Variants in SCUBE3 observed in about 807,000 individuals in gnomAD.
SCUBE3 encodes the protein signal peptide, CUB and EGF-like domain-containing protein 3.
Under a neutral mutation model 116.8 loss-of-function variants are expected in SCUBE3, and 33 were observed. The observed-to-expected ratio is 0.28, with a 90% CI of 0.21 to 0.38. The LOEUF is 0.38. SCUBE3 is among the 10% of genes least tolerant of loss of function. SCUBE3 has a pLI of 1.00. For missense variants in SCUBE3, 1,007 were observed against 1,324.8 expected, an observed-to-expected ratio of 0.76 and a Z score of 3.72; for synonymous variants, 418 against 496.9, an observed-to-expected ratio of 0.84 and a Z score of 2.11.
rs1369028784 is a variant in SCUBE3, at chr6:35,219,220, CAT to C, written c.85+4718_85+4719del. On this transcript the variant is annotated intron_variant, in intron 1 of 21. Transcript: ENST00000274938. This position sits in a 1 kb window ranked among gnomAD's most constrained non-coding sequence, Gnocchi z 4.7. ...CCCTGGAAATAGCCCCTGAAGAACA[CAT>C]GTGTGTTTCTATATGTGTGTATCCA... is the stretch of plus-strand genomic sequence containing the variant. Among the ~76,000 whole-genome samples the C allele has an allele frequency of 6.6e-6, 1 of 152,188 alleles. No homozygotes were observed. The highest frequency in any genetic ancestry group is 2.4e-5 in the African/African-American group (1 of 41,440).
intron 1 of SCUBE3, among the ~76,000 whole-genome samples, chr6:35,218,648 T>G (rs550869223): frequency 2.6e-5 from 4 of 152,262 alleles, no homozygotes; most frequent in Admixed American, 1.3e-4. Context: ...GACTGGAGTC[T>G]GGAAACAGAA....
Position 35,228,497 on chromosome 6 carries a change from C to A in SCUBE3, c.209-117C>A. ...AGGTTTAAATGAAAACAGAAAAATG[C>A]TAAATGGCTTATAGGCCATGAACAT... On this transcript the variant is annotated intron_variant, in intron 2 of 21. Transcript: ENST00000274938. This position sits in a 1 kb window ranked among gnomAD's most constrained non-coding sequence, Gnocchi z 4.9. 1 of 966,960 alleles carries A rather than the reference C, an allele frequency of 1.0e-6. No individual in the cohort carries two copies. The highest frequency in any genetic ancestry group is 1.5e-6 in the Non-Finnish European group (1 of 676,204). The allele number at this position is 966,960 out of a possible 1,614,324, so 59.9% of individuals were successfully genotyped here.
At position 35,235,954 on chromosome 6, in the gene SCUBE3, T is replaced by TCAC. The variant is rs1370366949; in HGVS notation, c.713-1945_713-1943dup. On this transcript the variant is annotated intron_variant, in intron 6 of 21. Transcript: ENST00000274938. This position sits in a 1 kb window ranked among gnomAD's most constrained non-coding sequence, Gnocchi z 4.5. ...CATTAGTTCACAGTCCCAGCATCAC[T>TCAC]CACCATTCTCTCCTACCGTAATGGC... Among the ~76,000 whole-genome samples, 1 of 152,090 alleles carries TCAC rather than the reference T, an allele frequency of 6.6e-6. No individual in the cohort carries two copies. Among genetic ancestry groups the TCAC allele is most frequent in the Non-Finnish European group, 1.5e-5 (1 of 68,024 alleles).
At position 35,250,373 on chromosome 6, in the gene SCUBE3, G is replaced by C. The variant is rs1053463920; in HGVS notation, c.*1668G>C. 22 of 152,178 alleles carry C rather than the reference G, an allele frequency of 1.4e-4. No homozygotes were observed. The highest frequency in any genetic ancestry group is 1.4e-3 in the Admixed American group (22 of 15,282). The allele number at this position is 152,178 out of a possible 1,614,324, so 9.4% of individuals were successfully genotyped here. A position where few individuals can be genotyped will look rare whatever the true frequency, so the allele number is the denominator to read the frequency against. ...TGGTGTACACATGGAAGAGGACCAG[G>C]ACATACCACCTGGGGATGGGCTGAC... On this transcript the variant is annotated 3_prime_UTR_variant, in exon 22 of 22. Coordinates refer to ENST00000274938, the MANE Select transcript of SCUBE3 (RefSeq NM_152753.4).
In SCUBE3 at chr6:35,228,525, CTA is replaced by C; in HGVS notation, c.209-87_209-86del. 7.1e-7 allele frequency: 1 copy of C among 1,399,216 alleles called. No homozygotes were observed. Among genetic ancestry groups the C allele is most frequent in the Non-Finnish European group, 9.9e-7 (1 of 1,005,558 alleles). The allele number at this position is 1,399,216 out of a possible 1,614,324, so 86.7% of individuals were successfully genotyped here. On this transcript the variant is annotated intron_variant, in intron 2 of 21. Coordinates refer to ENST00000274938, the MANE Select transcript of SCUBE3 (RefSeq NM_152753.4). The surrounding 1 kb of genome is among the most constrained non-coding windows in gnomAD (Gnocchi z 4.9). ...AATGGCTTATAGGCCATGAACATAA[CTA>C]TGTAAACACAACCATAAGGCTGAGT...
At chr6:35,218,231 C>A in intron 1 of SCUBE3, 2 of 733,866 alleles carry the variant, frequency 2.7e-6, no homozygotes, top group Non-Finnish European at 3.3e-6. Flanking sequence ...TGCATTCACA[C>A]ACGTGTGAAT....
chr6:35,240,564 G>A lies in SCUBE3; in HGVS notation c.1069+74G>A. 1 of 702,216 alleles carries A rather than the reference G, an allele frequency of 1.4e-6. No homozygotes were observed. The highest frequency in any genetic ancestry group is 2.4e-6 in the Non-Finnish European group (1 of 412,372). The allele number at this position is 702,216 out of a possible 1,614,324, so 43.5% of individuals were successfully genotyped here. ...TCACCCTCCAATTGAACAGGTCCTT[G>A]TGTTGGCTTGTGGCTATGGGCAATC... is the stretch of plus-strand genomic sequence containing the variant. On this transcript the variant is annotated intron_variant, in intron 9 of 21. Transcript: ENST00000274938. This position sits in a 1 kb window ranked among gnomAD's most constrained non-coding sequence, Gnocchi z 4.6.
At position 35,241,924 on chromosome 6, in the gene SCUBE3, C is replaced by T; in HGVS notation, c.1417+14C>T. On this transcript the variant is annotated intron_variant, in intron 12 of 21. Coordinates refer to ENST00000274938, the MANE Select transcript of SCUBE3 (RefSeq NM_152753.4). This position sits in a 1 kb window ranked among gnomAD's most constrained non-coding sequence, Gnocchi z 4.1. Reference sequence around the variant, plus strand: ...ACCACTGCCATGGTAAGCACCAGCCCAGAAGCCCTGTTCCCACCCTACTCT... The same window carrying T: ...ACCACTGCCATGGTAAGCACCAGCCTAGAAGCCCTGTTCCCACCCTACTCT... The T allele has an allele frequency of 6.4e-7, 1 of 1,559,914 alleles. No homozygotes were observed.
chr6:35,242,464 G>T, intron 13 of SCUBE3, 144 bp downstream of exon 13: 1 of 894,510 alleles, frequency 1.1e-6, no homozygotes. Flanking sequence ...TAGCACCCAA[G>T]GAAGTCCCAG....
Position 35,231,805 on chromosome 6 carries a change from C to T in SCUBE3, c.415C>T (p.Arg139Trp), listed in dbSNP as rs768714879. 1.4e-5 allele frequency: 22 copies of T among 1,613,610 alleles called. No homozygotes were observed. Among genetic ancestry groups the T allele is most frequent in the East Asian group, 4.5e-5 (2 of 44,872 alleles). ...NMMGSYECHC[R>W]EGFFLSDNQH... ...GATGGGCAGCTATGAGTGCCACTGCCGGGAAGGCTTCTTCCTCAGCGACAA... is the reference window on the plus strand; with the variant it reads ...GATGGGCAGCTATGAGTGCCACTGCTGGGAAGGCTTCTTCCTCAGCGACAA... Residue 139 changes from arginine (R) to tryptophan (W), a missense_variant, in exon 4 of 22, where the codon CGG (arginine) becomes TGG (tryptophan). Transcript: ENST00000274938. The surrounding 1 kb of genome is among the most constrained non-coding windows in gnomAD (Gnocchi z 4.2).
chr6:35,242,285 G>C lies in SCUBE3; in HGVS notation c.1499G>C (p.Gly500Ala). 1 of 1,613,978 alleles carries C rather than the reference G, an allele frequency of 6.2e-7. No homozygotes were observed. The highest frequency in any genetic ancestry group is 8.5e-7 in the Non-Finnish European group (1 of 1,179,880). Residue 500 changes from glycine to alanine, a missense_variant, in exon 13 of 22, where the codon GGC becomes GCC. Gly to Ala is a moderately conservative substitution (Grantham distance 60, BLOSUM62 0). Around this residue, in one of 5 missense-constraint regions of SCUBE3, gnomAD observed 544 missense variants for 638.9 expected, o/e 0.85. Transcript: ENST00000274938. ...AKCRLHLRNKGKTEEAGRITG... is the reference protein window; with the variant it reads ...AKCRLHLRNKAKTEEAGRITG... ...TGCCGTTTGCACCTGCGAAACAAAG[G>C]CAAAACAGAGGAGGCTGGCAGAATC...
intron 1 of SCUBE3, among the ~76,000 whole-genome samples, chr6:35,225,003 C>A (rs552842204): frequency 6.6e-6 from 1 of 152,158 alleles, no homozygotes; most frequent in Non-Finnish European, 1.5e-5. Context: ...GTGGCTATTG[C>A]GCATTTGGCC....
Position 35,240,763 on chromosome 6 carries a change from G to C in SCUBE3, c.1069+273G>C, listed in dbSNP as rs1051477581. On this transcript the variant is annotated intron_variant, in intron 9 of 21. Coordinates refer to ENST00000274938, the MANE Select transcript of SCUBE3 (RefSeq NM_152753.4). The surrounding 1 kb of genome is among the most constrained non-coding windows in gnomAD (Gnocchi z 4.6). Reference sequence around the variant, plus strand: ...CAGCTCCCAAATGACAGTCTCACTGGTTGGGAGGAGTGGAAGGCTTTAAAA... The same window carrying C: ...CAGCTCCCAAATGACAGTCTCACTGCTTGGGAGGAGTGGAAGGCTTTAAAA... Among the ~76,000 whole-genome samples the C allele has an allele frequency of 1.3e-5, 2 of 152,200 alleles. No homozygotes were observed. Among genetic ancestry groups the C allele is most frequent in the Non-Finnish European group, 2.9e-5 (2 of 68,040 alleles).
intron 21 of SCUBE3, among the ~76,000 whole-genome samples, chr6:35,246,978 C>CA (rs998724559): frequency 1.3e-5 from 2 of 151,054 alleles, no homozygotes; most frequent in Non-Finnish European, 3.0e-5. Context: ...AACCCTGTCT[C>CA]AAAAAAACAA....
At chr6:35,234,480 A>G (rs763855425) in intron 6 of SCUBE3, among the ~76,000 whole-genome samples, 1 of 152,168 alleles carries the variant, frequency 6.6e-6, no homozygotes, top group Non-Finnish European at 1.5e-5. Flanking sequence ...ATCCATTTCT[A>G]AAGTCCCTAT....
At position 35,244,212 on chromosome 6, in the gene SCUBE3, C is replaced by T. The variant is rs1347197681; in HGVS notation, c.2239+82C>T. On this transcript the variant is annotated intron_variant, in intron 17 of 21. Coordinates refer to ENST00000274938, the MANE Select transcript of SCUBE3 (RefSeq NM_152753.4). The surrounding 1 kb of genome is among the most constrained non-coding windows in gnomAD (Gnocchi z 4.3). ...ACTCTCCAATTTCCCAGAGGGGACACTGACCCACCATTTTCTCCAAACCAG... is the reference window on the plus strand; with the variant it reads ...ACTCTCCAATTTCCCAGAGGGGACATTGACCCACCATTTTCTCCAAACCAG... 1.0e-5 allele frequency: 13 copies of T among 1,251,600 alleles called. No individual in the cohort carries two copies. The Admixed American group carries it at 1.1e-4, about 10-fold the overall frequency. The allele number at this position is 1,251,600 out of a possible 1,614,324, so 77.5% of individuals were successfully genotyped here. A position where few individuals can be genotyped will look rare whatever the true frequency, so the allele number is the denominator to read the frequency against.
In SCUBE3 at chr6:35,248,534, T is replaced by C. The variant is rs762867941; in HGVS notation, c.2833-22T>C. ...CCACCCCCGACGGTGAGGCTGACAT[T>C]GCTCCCTGCCATCCTTTGCAGGACA... On this transcript the variant is annotated intron_variant, in intron 21 of 21. Transcript: ENST00000274938. 3 of 1,613,490 alleles carry C rather than the reference T, an allele frequency of 1.9e-6. No homozygotes were observed. The South Asian group carries it at 3.3e-5, about 18-fold the overall frequency.
chr6:35,217,133 T>C (rs958226305), intron 1 of SCUBE3, among the ~76,000 whole-genome samples: 2 of 150,678 alleles, frequency 1.3e-5, no homozygotes, highest in African/African-American at 4.9e-5. Flanking sequence ...TGTCTGTATA[T>C]TTTAAAGTAG....
chr6:35,242,587 G>T (rs759807097), intron 13 of SCUBE3, 35 bp from the exon 14 acceptor site: 1 of 1,588,680 alleles, frequency 6.3e-7, no homozygotes, highest in Admixed American at 1.7e-5. Flanking sequence ...ACTTTCCAGG[G>T]GATGTCCCTG....
Sources: gnomAD v4.1 joint callset for allele counts (sites outside exome capture counted in the v4.1 genomes callset) on GRCh38, gnomAD v4.1.1 for gene constraint, gnomAD v4.1.1 regional missense constraint, Gnocchi (gnomAD v3.1) non-coding constraint, MANE v1.5 for transcripts, NCBI Gene and HGNC (gene_info 2026-07-23, HGNC 2026-07-21) for gene names.